KATNAL2: variants seen among roughly 807,000 people sequenced by gnomAD.
The protein encoded by KATNAL2 is katanin p60 ATPase-containing subunit A-like 2.
Under a neutral mutation model 76.3 loss-of-function variants are expected in KATNAL2, and 52 were observed. The ratio of observed to expected loss-of-function variants is 0.68; its 90% CI spans 0.55 to 0.86. The LOEUF (loss-of-function observed/expected upper bound fraction) is 0.86, where lower values mean the gene tolerates loss of function less well. KATNAL2 is among the 40% of genes least tolerant of loss of function. KATNAL2 has a pLI of 0.00. For synonymous variants in KATNAL2, 243 were observed against 244.2 expected, an observed-to-expected ratio of 1.00 and a Z score of 0.05; for missense variants, 660 against 668.9, an observed-to-expected ratio of 0.99 and a Z score of 0.15.
intron 3 of KATNAL2, among the ~76,000 whole-genome samples, chr18:46,962,232 C>A (rs1300807260): frequency 7.2e-6 from 1 of 139,058 alleles, no homozygotes; most frequent in African/African-American, 3.0e-5. Context: ...ACCTCCTGGG[C>A]TGCAGCGATC....
chr18:47,039,419 C>T (rs934158372), intron 3 of KATNAL2, among the ~76,000 whole-genome samples: 1 of 152,166 alleles, frequency 6.6e-6, no homozygotes, highest in South Asian at 2.1e-4. Flanking sequence ...CTCCCATCCT[C>T]CCCAGTCCTC....
chr18:46,930,867 C>CCTGCCATG (rs1191162749), intron 1 of KATNAL2, among the ~76,000 whole-genome samples: 1 of 149,828 alleles, frequency 6.7e-6, no homozygotes, highest in Admixed American at 6.7e-5. Context: ...CTTTGGGAGG[C>CCTGCCATG]CAAGGCAGGC....
intron 3 of KATNAL2, among the ~76,000 whole-genome samples, chr18:46,951,409 ATTT>A (rs57801829): frequency 0.041 from 5,612 of 137,166 alleles, 134 homozygotes; most frequent in Non-Finnish European, 0.054. Flanking sequence ...TCTAAGTCTG[ATTT>A]TTTTTTTTTT....
intron 3 of KATNAL2, among the ~76,000 whole-genome samples, chr18:46,957,768 G>A (rs1488372657): frequency 6.7e-6 from 1 of 149,572 alleles, no homozygotes; most frequent in East Asian, 2.0e-4. Flanking sequence ...CTCCATGTTG[G>A]TCAGGCTGGT....
At chr18:46,945,836 G>C (rs1337029482) in intron 1 of KATNAL2, among the ~76,000 whole-genome samples, 5 of 152,166 alleles carry the variant, frequency 3.3e-5, no homozygotes, top group African/African-American at 1.2e-4. Context: ...GTTGGAATAA[G>C]ATAAAGAATA....
intron 3 of KATNAL2, among the ~76,000 whole-genome samples, chr18:46,965,646 G>C (rs2060106434): frequency 1.0e-5 from 1 of 95,350 alleles, no homozygotes; most frequent in South Asian, 2.9e-4. Flanking sequence ...CTGCAGCTTC[G>C]ACTGGAGCAC....
At chr18:47,080,423 T>C (rs1269063049) in intron 15 of KATNAL2, among the ~76,000 whole-genome samples, 1 of 152,226 alleles carries the variant, frequency 6.6e-6, no homozygotes, top group Non-Finnish European at 1.5e-5. Flanking sequence ...TTAGAACATT[T>C]TTCTTTACCC....
At chr18:47,085,559 A>T (rs1009041576) in intron 15 of KATNAL2, among the ~76,000 whole-genome samples, 4 of 152,066 alleles carry the variant, frequency 2.6e-5, no homozygotes, top group African/African-American at 9.7e-5. Flanking sequence ...GATGTCTTTT[A>T]AAGTTTTTGC....
chr18:46,942,906 T>C (rs1023223488), intron 1 of KATNAL2, among the ~76,000 whole-genome samples: 1 of 152,168 alleles, frequency 6.6e-6, no homozygotes, highest in African/African-American at 2.4e-5. Flanking sequence ...ACCTAAATTT[T>C]GTTTTCTTCC....
At chr18:46,965,576 T>TCCCCCCCCCCCCCCCCCCCC (rs1446702107) in intron 3 of KATNAL2, among the ~76,000 whole-genome samples, 3 of 68,632 alleles carry the variant, frequency 4.4e-5, no homozygotes, top group African/African-American at 1.4e-4. Flanking sequence ...CCCTCTAGCA[T>TCCCCCCCCCCCCCCCCCCCC]CCCCGCCCCC....
intron 3 of KATNAL2, among the ~76,000 whole-genome samples, chr18:46,955,294 G>A (rs912851472): frequency 5.4e-5 from 8 of 148,758 alleles, no homozygotes; most frequent in East Asian, 2.0e-4. Flanking sequence ...TCAGCTCACC[G>A]CAACTTCTGC....
chr18:47,051,538 TC>T (rs1353702304), intron 4 of KATNAL2, among the ~76,000 whole-genome samples: 1 of 152,226 alleles, frequency 6.6e-6, no homozygotes, highest in African/African-American at 2.4e-5. Context: ...TCTAGTTTTT[TC>T]TTAAGTGAAT....
chr18:47,043,245 A>AAT lies in KATNAL2; in HGVS notation c.52-3212_52-3211insAT, dbSNP rs376877321. Among the ~76,000 whole-genome samples the AAT allele has an allele frequency of 2.3e-3, 216 of 93,184 alleles. 25 individuals carry two copies. The highest frequency in any genetic ancestry group is 6.0e-3 in the Middle Eastern group (1 of 166). The allele number at this position is 93,184 out of a possible 152,430, so 61.1% of individuals were successfully genotyped here. ...CCGTTTCAAAAAAAAAAAAAAAAAA[A>AAT]GAGATCCTAAAAGCTTCCTGGGAAG... On this transcript the variant is annotated intron_variant, in intron 3 of 17. Coordinates refer to ENST00000683218, the MANE Select transcript of KATNAL2 (RefSeq NM_001387690.1).
chr18:47,091,227 T>G (rs192833064), intron 15 of KATNAL2: 1 of 152,170 alleles, frequency 6.6e-6, no homozygotes, highest in Non-Finnish European at 1.5e-5. Flanking sequence ...TGAAGCAAGA[T>G]GTAAACCGTG....
intron 15 of KATNAL2, among the ~76,000 whole-genome samples, chr18:47,087,855 T>C (rs911211921): frequency 6.6e-6 from 1 of 152,132 alleles, no homozygotes; most frequent in Non-Finnish European, 1.5e-5. Context: ...ATGGCCTGTT[T>C]TTTTTCCTTC....
chr18:47,031,747 GAGGT>G (rs1389168760), intron 3 of KATNAL2, among the ~76,000 whole-genome samples: 1 of 152,162 alleles, frequency 6.6e-6, no homozygotes, highest in East Asian at 1.9e-4. Context: ...CCAAAGTGCT[GAGGT>G]AGGGCCTTGA....
chr18:47,094,850 T>C (rs1181242222), intron 15 of KATNAL2, among the ~76,000 whole-genome samples: 1 of 152,178 alleles, frequency 6.6e-6, no homozygotes, highest in Non-Finnish European at 1.5e-5. Context: ...CATTTTACCC[T>C]CTACCAAGGT....
intron 1 of KATNAL2, among the ~76,000 whole-genome samples, chr18:46,944,306 A>G (rs1014899914): frequency 6.6e-6 from 1 of 152,256 alleles, no homozygotes; most frequent in Admixed American, 6.5e-5. Context: ...TTCAACCAAC[A>G]AAGAATTGAA....
intron 3 of KATNAL2, among the ~76,000 whole-genome samples, chr18:47,039,738 C>G (rs562843850): frequency 6.6e-6 from 1 of 152,264 alleles, no homozygotes; most frequent in African/African-American, 2.4e-5. Flanking sequence ...TAGGAAGAAG[C>G]AAATGCTTCT....
Sources: gnomAD v4.1 joint callset for allele counts (sites outside exome capture counted in the v4.1 genomes callset) on GRCh38, gnomAD v4.1.1 for gene constraint, MANE v1.5 for transcripts, NCBI Gene and HGNC (gene_info 2026-07-23, HGNC 2026-07-21) for gene names.